LOC128125822: variants seen among roughly 807,000 people sequenced by gnomAD.
At chr6:63,580,033 ATTT>A in the LOC128125822 span, 3,427 of 1,359,320 alleles carry the variant, frequency 2.5e-3, no homozygotes, top group Non-Finnish European at 2.7e-3. Context: ...GCCTTGTTTC[ATTT>A]TTTTTTTTTT....
the LOC128125822 span, chr6:63,572,516 C>G: frequency 2.6e-6 from 1 of 391,662 alleles, no homozygotes; most frequent in South Asian, 1.3e-4. Context: ...GGCTGCGGGC[C>G]GGCTCGGCTA....
At chr6:63,582,137 G>A in the LOC128125822 span, 24 of 151,658 alleles carry the variant, frequency 1.6e-4, no homozygotes, top group East Asian at 4.6e-3. Flanking sequence ...TTTAAATCTT[G>A]GATTATTTGT....
chr6:63,576,928 C>T, the LOC128125822 span: 1 of 1,613,976 alleles, frequency 6.2e-7, no homozygotes, highest in Non-Finnish European at 8.5e-7. Context: ...CATACAAGAA[C>T]ATGAGATTTC....
chr6:63,576,166 A>G, the LOC128125822 span, among the ~76,000 whole-genome samples: 1 of 151,228 alleles, frequency 6.6e-6, no homozygotes, highest in East Asian at 1.9e-4. Flanking sequence ...AATTTCACAA[A>G]AATGTAACAA....
the LOC128125822 span, among the ~76,000 whole-genome samples, chr6:63,578,192 A>G: frequency 6.6e-6 from 1 of 152,236 alleles, no homozygotes; most frequent in African/African-American, 2.4e-5. Flanking sequence ...AAACAAAAGA[A>G]GGAAAACTTT....
the LOC128125822 span, among the ~76,000 whole-genome samples, chr6:63,578,143 CTG>C: frequency 1.3e-5 from 2 of 152,260 alleles, no homozygotes; most frequent in African/African-American, 2.4e-5. Flanking sequence ...ATTACCATGA[CTG>C]TAAACAACTT....
At chr6:63,582,434 C>T in the LOC128125822 span, 1 of 152,546 alleles carries the variant, frequency 6.6e-6, no homozygotes, top group African/African-American at 2.4e-5. Context: ...CTTATCTGTA[C>T]ATTATACGAT....
the LOC128125822 span, chr6:63,581,508 T>G: frequency 2.6e-5 from 4 of 152,634 alleles, no homozygotes; most frequent in South Asian, 2.1e-4. Flanking sequence ...CAAAATGAAT[T>G]GCACTTCACT....
chr6:63,579,422 T>C, the LOC128125822 span: 2 of 891,574 alleles, frequency 2.2e-6, no homozygotes, highest in Non-Finnish European at 3.2e-6. Context: ...CATTTAATCA[T>C]TATGATTATT....
At chr6:63,579,375 CTTG>C in the LOC128125822 span, 3 of 1,446,712 alleles carry the variant, frequency 2.1e-6, no homozygotes, top group Non-Finnish European at 1.9e-6. Context: ...CTTTCATTTC[CTTG>C]TTGAGTGTCA....
At chr6:63,573,478 C>G in the LOC128125822 span, 1 of 152,242 alleles carries the variant, frequency 6.6e-6, no homozygotes, top group African/African-American at 2.4e-5. Context: ...AGGCGCGGCG[C>G]GAACCCGTGA....
At chr6:63,580,464 T>A in the LOC128125822 span, 3 of 267,204 alleles carry the variant, frequency 1.1e-5, no homozygotes, top group African/African-American at 6.5e-5. Flanking sequence ...TATGACTTGT[T>A]AAATCTATTC....
the LOC128125822 span, chr6:63,579,221 T>C: frequency 5.1e-6 from 8 of 1,567,834 alleles, no homozygotes; most frequent in African/African-American, 8.2e-5. Flanking sequence ...GATCTGATTT[T>C]GAAAAAACTA....
At chr6:63,578,716 G>C in the LOC128125822 span, among the ~76,000 whole-genome samples, 1 of 152,204 alleles carries the variant, frequency 6.6e-6, no homozygotes, top group African/African-American at 2.4e-5. Flanking sequence ...ATTTGAAGTT[G>C]TGAAACATTT....
At chr6:63,578,618 CATAA>C in the LOC128125822 span, 1 of 1,474,038 alleles carries the variant, frequency 6.8e-7, no homozygotes, top group East Asian at 2.6e-5. Context: ...CTATTTAAGT[CATAA>C]ATAGACCTCA....
chr6:63,574,674 AG>A, the LOC128125822 span, among the ~76,000 whole-genome samples: 160 of 152,324 alleles, frequency 1.1e-3, 3 homozygotes, highest in East Asian at 0.024. Context: ...GCCTCAAATT[AG>A]CTTTTAATTG....
chr6:63,577,533 G>T, the LOC128125822 span, among the ~76,000 whole-genome samples: 1 of 152,070 alleles, frequency 6.6e-6, no homozygotes, highest in Non-Finnish European at 1.5e-5. Flanking sequence ...TAGCAAATAG[G>T]CCTCTCAGAA....
At chr6:63,574,970 A>G in the LOC128125822 span, among the ~76,000 whole-genome samples, 1 of 152,240 alleles carries the variant, frequency 6.6e-6, no homozygotes, top group Admixed American at 6.5e-5. Flanking sequence ...TGTGATAATG[A>G]AAGTTACCTT....
the LOC128125822 span, chr6:63,576,476 T>G: frequency 5.0e-6 from 2 of 400,958 alleles, no homozygotes; most frequent in Non-Finnish European, 4.4e-6. Context: ...ATGGAGTTTC[T>G]GAAGGGCAGT....
Sources: allele counts gnomAD v4.1 joint callset (sites outside exome capture counted in the v4.1 genomes callset), GRCh38; gene constraint gnomAD v4.1.1; transcripts MANE v1.5.